The following SLC48A1 variants were observed in gnomAD, a reference collection of about 807,000 sequenced individuals.
SLC48A1 encodes solute carrier family 48 member 1.
SLC48A1 carries 6 observed loss-of-function variants against 14.8 expected under a neutral mutation model. The observed-to-expected ratio is 0.41, with a 90% CI of 0.22 to 0.80. The LOEUF (loss-of-function observed/expected upper bound fraction) is 0.80, where lower values mean the gene tolerates loss of function less well. SLC48A1 is among the 30% of genes least tolerant of loss of function. The probability of loss-of-function intolerance (pLI) is 0.34; values close to 1 mark genes in which losing one functional copy is unlikely to be tolerated. For synonymous variants in SLC48A1, 89 were observed against 90.0 expected (o/e 0.99, Z 0.06); for missense variants, 165 against 204.8 (o/e 0.81, Z 1.19).
intron 1 of SLC48A1, chr12:47,758,938 C>G: frequency 3.9e-6 from 4 of 1,030,118 alleles, no homozygotes; most frequent in Non-Finnish European, 4.7e-6. Context: ...CCTTCCCCTC[C>G]CCAGGACTGG....
At chr12:47,762,372 C>T (rs1337810176) in intron 2 of SLC48A1, among the ~76,000 whole-genome samples, 1 of 152,148 alleles carries the variant, frequency 6.6e-6, no homozygotes, top group Non-Finnish European at 1.5e-5. Flanking sequence ...CCCCAGGAGG[C>T]CTCTCCTCCT....
chr12:47,766,598 G>A (rs1592599120), upstream of SLC48A1, among the ~76,000 whole-genome samples: 2 of 152,092 alleles, frequency 1.3e-5, no homozygotes, highest in South Asian at 4.1e-4. Context: ...GCAGGCCTGG[G>A]CCCTAGCTCC....
At position 47,777,105 on chromosome 12, in the gene SLC48A1, T is replaced by C. The variant is rs138794864; in HGVS notation, c.137-1923T>C. ...CAAACAGCTCCCTCAAATGAAAACA[T>C]GGGACACATGTGAGGAGTGGGAGGG... On this transcript the variant is annotated intron_variant, in intron 1 of 2. Coordinates refer to ENST00000442218, the MANE Select transcript of SLC48A1 (RefSeq NM_017842.3). This position sits in a 1 kb window ranked among gnomAD's most constrained non-coding sequence, Gnocchi z 4.5. Among the ~76,000 whole-genome samples the C allele has an allele frequency of 4.8e-3, 737 of 152,180 alleles. 8 individuals carry two copies. The highest frequency in any genetic ancestry group is 0.017 in the African/African-American group (692 of 41,506).
In SLC48A1 at chr12:47,776,917, A is replaced by G. The variant is rs1402064905; in HGVS notation, c.137-2111A>G. The stretch of plus-strand genomic sequence containing the variant: ...TTATTTTTCTCCCAAGCTGGCTTCT[A>G]GAATCTTTGAGTGGGAAAGGATCTT... On this transcript the variant is annotated intron_variant, in intron 1 of 2. Transcript: ENST00000442218. Among the ~76,000 whole-genome samples the G allele has an allele frequency of 2.6e-5, 4 of 152,154 alleles. 1 individual carries two copies. The highest frequency in any genetic ancestry group is 2.4e-5 in the African/African-American group (1 of 41,422).
intron 2 of SLC48A1, among the ~76,000 whole-genome samples, chr12:47,779,510 G>T (rs1942820728): frequency 6.6e-6 from 1 of 152,194 alleles, no homozygotes; most frequent in Non-Finnish European, 1.5e-5. Context: ...GAAATAACCA[G>T]AGGTCCTTCT....
Position 47,780,314 on chromosome 12 carries a change from G to T in SLC48A1, c.*33G>T. 10 of 1,614,094 alleles carry T rather than the reference G, an allele frequency of 6.2e-6. No individual in the cohort carries two copies. The highest frequency in any genetic ancestry group is 8.5e-6 in the Non-Finnish European group (10 of 1,179,972). Reference sequence around the variant, plus strand: ...GGTGAGGTCTCTGCACCCTGGGGGGGCCTTAGGACCTGGACTCAGCCTCTG... The same window carrying T: ...GGTGAGGTCTCTGCACCCTGGGGGGTCCTTAGGACCTGGACTCAGCCTCTG... On this transcript the variant is annotated 3_prime_UTR_variant, in exon 3 of 3. Transcript: ENST00000442218.
At position 47,773,367 on chromosome 12, in the gene SLC48A1, C is replaced by T. The variant is rs1260400472; in HGVS notation, c.63C>T (p.Ala21=). Residue 21 remains alanine, a synonymous_variant, in exon 1 of 3, where the codon GCC becomes GCT. Transcript: ENST00000442218. ...RAAYSGISSV[A]GFSIFLVWTV... ...CCTACTCCGGCATCAGCTCCGTGGC[C>T]GGCTTCTCCATCTTCCTCGTCTGGA... is the stretch of plus-strand genomic sequence containing the variant. 4.7e-6 allele frequency: 7 copies of T among 1,479,358 alleles called. No homozygotes were observed. In the African/African-American group the frequency reaches 5.9e-5, roughly 12 times the overall value. The allele number at this position is 1,479,358 out of a possible 1,614,324, so 91.6% of individuals were successfully genotyped here. A position where few individuals can be genotyped will look rare whatever the true frequency, so the allele number is the denominator to read the frequency against.
intron 2 of SLC48A1, 76 bp downstream of exon 2, chr12:47,779,271 C>A: frequency 6.8e-7 from 1 of 1,474,538 alleles, no homozygotes; most frequent in Non-Finnish European, 9.0e-7. Context: ...CATCCTGGTT[C>A]CACAGGTTAC....
intron 1 of SLC48A1, among the ~76,000 whole-genome samples, chr12:47,775,079 C>T (rs541390076): frequency 3.9e-5 from 6 of 152,248 alleles, no homozygotes; most frequent in African/African-American, 9.6e-5. Context: ...CCTACCTGGC[C>T]GTTTGACCCT....
chr12:47,754,963 C>T (rs915501509), upstream of SLC48A1, among the ~76,000 whole-genome samples: 4 of 152,240 alleles, frequency 2.6e-5, no homozygotes, highest in Non-Finnish European at 5.9e-5. Flanking sequence ...GCTGGAGAGA[C>T]AGGCACAGAG....
chr12:47,773,413 G>C lies in SLC48A1; in HGVS notation c.109G>C (p.Gly37Arg). The C allele has an allele frequency of 6.9e-7, 1 of 1,446,636 alleles. No individual in the cohort carries two copies. Among genetic ancestry groups the C allele is most frequent in the South Asian group, 1.4e-5 (1 of 73,090 alleles). 89.6% of individuals were successfully genotyped at this position (1,446,636 alleles called of 1,614,324 possible). A position where few individuals can be genotyped will look rare whatever the true frequency, so the allele number is the denominator to read the frequency against. The change falls in exon 1 of 3, where the codon GGG (glycine) becomes CGG (arginine). Residue 37 changes from glycine to arginine, a missense_variant. Gly to Arg is a moderately radical substitution (Grantham distance 125). Coordinates refer to ENST00000442218, the MANE Select transcript of SLC48A1 (RefSeq NM_017842.3). ...CTGGACGGTGGTCTACCGACAGCCG[G>C]GGACCGCGGCCATGGGAGGGCTCGC... ...LVWTVVYRQP[G>R]TAAMGGLAGV...
At chr12:47,758,850 C>T (rs1353546027) in intron 1 of SLC48A1, 3 of 1,193,768 alleles carry the variant, frequency 2.5e-6, no homozygotes, top group Admixed American at 8.6e-5. Flanking sequence ...AAGGAGCCAG[C>T]TGGCACCGGG....
upstream of SLC48A1, chr12:47,754,143 T>G (rs1003550584): frequency 2.0e-5 from 3 of 152,248 alleles, no homozygotes; most frequent in African/African-American, 7.2e-5. Flanking sequence ...GCCCTAACTG[T>G]TGGTCAATAA....
At chr12:47,773,624 C>T (rs1315091248) in intron 1 of SLC48A1, among the ~76,000 whole-genome samples, 184 bp downstream of exon 1, 1 of 151,702 alleles carries the variant, frequency 6.6e-6, no homozygotes, top group Non-Finnish European at 1.5e-5. Flanking sequence ...TCCTGGGTGC[C>T]TCTGAGACCC....
At chr12:47,767,179 C>A (rs915089375), upstream of SLC48A1, among the ~76,000 whole-genome samples, 2 of 150,442 alleles carry the variant, frequency 1.3e-5, no homozygotes, top group Non-Finnish European at 3.0e-5. Context: ...GCTGTGAACT[C>A]CACAAGGGCT....
intron 1 of SLC48A1, among the ~76,000 whole-genome samples, chr12:47,774,196 G>A (rs1942691601): frequency 6.6e-6 from 1 of 152,258 alleles, no homozygotes; most frequent in South Asian, 2.1e-4. Flanking sequence ...GGGCTGACCA[G>A]TGCTCCTTGT....
At chr12:47,764,141 A>G (rs879383266) in intron 2 of SLC48A1, among the ~76,000 whole-genome samples, 10 of 152,056 alleles carry the variant, frequency 6.6e-5, no homozygotes, top group Admixed American at 2.0e-4. Flanking sequence ...TCAAGGAGAG[A>G]GAGAGCATGT....
chr12:47,770,293 A>G (rs1942602232), upstream of SLC48A1, among the ~76,000 whole-genome samples: 1 of 152,246 alleles, frequency 6.6e-6, no homozygotes, highest in African/African-American at 2.4e-5. Flanking sequence ...CCATACTCCT[A>G]ATATGTCCAC....
intron 2 of SLC48A1, among the ~76,000 whole-genome samples, chr12:47,760,603 T>A (rs1399592416): frequency 7.1e-6 from 1 of 141,778 alleles, no homozygotes; most frequent in East Asian, 2.0e-4. Flanking sequence ...TTGTATACAT[T>A]TCAGCAGAGC....
Sources: allele counts gnomAD v4.1 joint callset (sites outside exome capture counted in the v4.1 genomes callset), GRCh38; gene constraint gnomAD v4.1.1; non-coding constraint Gnocchi (gnomAD v3.1); transcripts MANE v1.5; gene names NCBI Gene and HGNC (gene_info 2026-07-23, HGNC 2026-07-21).